The following GLT8D2 variants were observed in gnomAD, a reference collection of about 807,000 sequenced individuals.
GLT8D2 encodes the protein glycosyltransferase 8 domain containing 2.
In GLT8D2, 45 loss-of-function variants were observed where a neutral mutation model predicts 44.5. The observed-to-expected ratio is 1.01, with a 90% CI of 0.80 to 1.30. The LOEUF (loss-of-function observed/expected upper bound fraction) is 1.30, where lower values mean the gene tolerates loss of function less well. GLT8D2 is among the 50% of genes most tolerant of loss of function. The pLI is 0.00. For missense variants in GLT8D2, 400 were observed against 430.4 expected, an observed-to-expected ratio of 0.93 and a Z score of 0.62; for synonymous variants, 156 against 157.2, an observed-to-expected ratio of 0.99 and a Z score of 0.06.
intron 3 of GLT8D2, among the ~76,000 whole-genome samples, chr12:104,016,709 G>A (rs7397969): frequency 2.6e-4 from 19 of 72,756 alleles, no homozygotes; most frequent in Non-Finnish European, 3.2e-4. Flanking sequence ...GAAAGGGAGA[G>A]AGAAAGAAAG....
rs534277897 is a variant in GLT8D2, at chr12:104,030,966, C to T, written c.-163-9475G>A. ...TGCTTCACCTCAGTGCAGAAGAGAG[C>T]GATCCGGACCCTCTGGACAGTGCTA... On this transcript the variant is annotated intron_variant, in intron 1 of 10. Transcript: ENST00000360814. 3.1e-5 allele frequency: 43 copies of T among 1,393,910 alleles called. No homozygotes were observed. In the African/African-American group the frequency reaches 4.6e-4, roughly 15 times the overall value. The allele number at this position is 1,393,910 out of a possible 1,614,324, so 86.3% of individuals were successfully genotyped here. A position where few individuals can be genotyped will look rare whatever the true frequency, so the allele number is the denominator to read the frequency against.
At chr12:104,057,899 T>G (rs1882315199) in intron 1 of GLT8D2, among the ~76,000 whole-genome samples, 1 of 152,216 alleles carries the variant, frequency 6.6e-6, no homozygotes, top group South Asian at 2.1e-4. Context: ...GCCTCCATTC[T>G]AATAAATAAT....
intron 1 of GLT8D2, among the ~76,000 whole-genome samples, chr12:104,059,688 G>A (rs937884166): frequency 6.7e-6 from 1 of 148,812 alleles, no homozygotes; most frequent in Non-Finnish European, 1.5e-5. Context: ...AGTGGGTACA[G>A]TAGTCTGGGA....
intron 1 of GLT8D2, among the ~76,000 whole-genome samples, chr12:104,042,184 T>A (rs1195295188): frequency 6.6e-6 from 1 of 152,192 alleles, no homozygotes; most frequent in Non-Finnish European, 1.5e-5. Context: ...AATATAGATC[T>A]GATGCACAGA....
intron 1 of GLT8D2, among the ~76,000 whole-genome samples, chr12:104,029,093 C>A (rs1362050126): frequency 6.6e-6 from 1 of 152,092 alleles, no homozygotes; most frequent in African/African-American, 2.4e-5. Context: ...AGATCGAGAC[C>A]ATCCTGGCCA....
chr12:104,022,023 A>AAGAAGAAGAAG lies in GLT8D2; in HGVS notation c.-163-533_-163-532insCTTCTTCTTCT, dbSNP rs1566202777. Reference sequence around the variant, plus strand: ...AGAAGAAGAAGAAGAAGAAGAAGAAAAAGAAGAAGAAGAAGAAGAAGAAGA... The same window carrying AAGAAGAAGAAG: ...AGAAGAAGAAGAAGAAGAAGAAGAAAAGAAGAAGAAGAAGAAGAAGAAGAAGAAGAAGAAGA... On this transcript the variant is annotated intron_variant, in intron 1 of 10. Coordinates refer to ENST00000360814, the MANE Select transcript of GLT8D2 (RefSeq NM_001384711.1). 2.2e-4 allele frequency among the ~76,000 whole-genome samples: 6 copies of AAGAAGAAGAAG among 27,344 alleles called. 1 individual carries two copies. The highest frequency in any genetic ancestry group is 4.4e-4 in the Admixed American group (1 of 2,270). The allele number at this position is 27,344 out of a possible 152,430, so 17.9% of individuals were successfully genotyped here. A position where few individuals can be genotyped will look rare whatever the true frequency, so the allele number is the denominator to read the frequency against.
In GLT8D2 at chr12:104,045,958, T is replaced by TAAGAAAGAAAGAAAGA. The variant is rs141480385; in HGVS notation, c.-164+3921_-164+3936dup. On this transcript the variant is annotated intron_variant, in intron 1 of 10. Coordinates refer to ENST00000360814, the MANE Select transcript of GLT8D2 (RefSeq NM_001384711.1). ...AAGAAAAAGAAAGAAAGAAAGAAAA[T>TAAGAAAGAAAGAAAGA]AAGAAAGAAAGAAAGAAAGAAAGTG... Among the ~76,000 whole-genome samples the TAAGAAAGAAAGAAAGA allele has an allele frequency of 2.3e-3, 309 of 132,752 alleles. 2 individuals carry two copies. The highest frequency in any genetic ancestry group is 0.019 in the East Asian group (85 of 4,518). The allele number at this position is 132,752 out of a possible 152,430, so 87.1% of individuals were successfully genotyped here.
At chr12:104,014,967 C>T (rs1450365869) in intron 4 of GLT8D2, 46 bp downstream of exon 4, 8 of 1,394,874 alleles carry the variant, frequency 5.7e-6, no homozygotes, top group Non-Finnish European at 8.1e-6. Flanking sequence ...CATATTCAAA[C>T]CACATTCCTG....
chr12:104,038,007 C>T (rs535380592), intron 1 of GLT8D2, among the ~76,000 whole-genome samples: 6 of 152,272 alleles, frequency 3.9e-5, no homozygotes, highest in African/African-American at 9.6e-5. Flanking sequence ...AATCAATAAA[C>T]GTAATCCATC....
At position 104,039,787 on chromosome 12, in the gene GLT8D2, T is replaced by C. The variant is rs918501903; in HGVS notation, c.-164+10108A>G. 6.9e-4 allele frequency among the ~76,000 whole-genome samples: 105 copies of C among 152,328 alleles called. 1 individual carries two copies. The highest frequency in any genetic ancestry group is 2.5e-3 in the African/African-American group (102 of 41,574). On this transcript the variant is annotated intron_variant, in intron 1 of 10. Coordinates refer to ENST00000360814, the MANE Select transcript of GLT8D2 (RefSeq NM_001384711.1). ...GAAATACCATTTGACCCAGCCATCC[T>C]ATTACTGGGTATATACCCAAAGGAT...
chr12:103,993,821 T>G (rs1873074359), intron 9 of GLT8D2: 1 of 230,500 alleles, frequency 4.3e-6, no homozygotes, highest in African/African-American at 2.3e-5. Flanking sequence ...ACTTGCAAAT[T>G]CAAGGTTATG....
intron 5 of GLT8D2, among the ~76,000 whole-genome samples, chr12:104,000,985 A>C (rs527682279): frequency 5.9e-5 from 9 of 152,306 alleles, no homozygotes; most frequent in African/African-American, 2.2e-4. Flanking sequence ...AACACCCTGA[A>C]CTTCCTTTCA....
At chr12:104,014,874 C>A (rs1051452341) in intron 4 of GLT8D2, 139 bp downstream of exon 4, 6 of 622,698 alleles carry the variant, frequency 9.6e-6, no homozygotes, top group Non-Finnish European at 1.7e-5. Flanking sequence ...TGGTCTAGGG[C>A]GGATATTCTA....
chr12:104,003,188 G>A lies in GLT8D2; in HGVS notation c.231C>T (p.Asp77=), dbSNP rs186394924. ...AAINSIYSNT[D]ANILFYVVGL... is the part of the protein sequence containing the mutation. Reference sequence around the variant, plus strand: ...CCACTACATAGAACAAGATGTTGGCGTCAGTGTTGCTGTAGATGCTATTGA... The same window carrying A: ...CCACTACATAGAACAAGATGTTGGCATCAGTGTTGCTGTAGATGCTATTGA... Residue 77 remains aspartate, a synonymous_variant, in exon 5 of 11, where the codon GAC becomes GAT. Coordinates refer to ENST00000360814, the MANE Select transcript of GLT8D2 (RefSeq NM_001384711.1). 71 of 1,614,032 alleles carry A rather than the reference G, an allele frequency of 4.4e-5. 2 individuals are homozygous for A. The highest frequency in any genetic ancestry group is 2.3e-4 in the South Asian group (21 of 91,072).
At chr12:104,024,653 T>C (rs750355930) in intron 1 of GLT8D2, among the ~76,000 whole-genome samples, 1 of 152,224 alleles carries the variant, frequency 6.6e-6, no homozygotes, top group Non-Finnish European at 1.5e-5. Flanking sequence ...ACGTTGAGCA[T>C]CTTTTTGTGT....
At chr12:104,011,022 G>T (rs903598220) in intron 4 of GLT8D2, among the ~76,000 whole-genome samples, 41 of 152,312 alleles carry the variant, frequency 2.7e-4, no homozygotes, top group Non-Finnish European at 1.6e-4. Flanking sequence ...CAGCTCTGCT[G>T]CCAACACATG....
chr12:104,027,769 G>T (rs531966731), intron 1 of GLT8D2, among the ~76,000 whole-genome samples: 2 of 152,268 alleles, frequency 1.3e-5, no homozygotes, highest in Non-Finnish European at 2.9e-5. Flanking sequence ...TCAGTAACTT[G>T]CTCAAAATCA....
At chr12:104,022,772 GCA>G (rs543386856) in intron 1 of GLT8D2, among the ~76,000 whole-genome samples, 145 of 142,092 alleles carry the variant, frequency 1.0e-3, no homozygotes, top group African/African-American at 3.1e-3. Context: ...ACACACACAT[GCA>G]CACACACACA....
intron 1 of GLT8D2, among the ~76,000 whole-genome samples, chr12:104,038,587 A>G (rs1474071524): frequency 6.6e-6 from 1 of 152,216 alleles, no homozygotes; most frequent in Non-Finnish European, 1.5e-5. Context: ...CCAACTTACA[A>G]GGGATGTGAA....
Sources: allele counts gnomAD v4.1 joint callset (sites outside exome capture counted in the v4.1 genomes callset), GRCh38; gene constraint gnomAD v4.1.1; transcripts MANE v1.5; gene names NCBI Gene and HGNC (gene_info 2026-07-23, HGNC 2026-07-21).